FAM20C: variants seen among roughly 807,000 people sequenced by gnomAD.
FAM20C encodes the protein FAM20C golgi associated secretory pathway kinase.
Under a neutral mutation model 51.5 loss-of-function variants are expected in FAM20C, and 40 were observed. That is an observed-to-expected ratio of 0.78 (90% CI 0.60 to 1.01). The LOEUF (loss-of-function observed/expected upper bound fraction) is 1.01, where lower values mean the gene tolerates loss of function less well. Ranked by LOEUF, FAM20C falls within the 50% of genes least tolerant of loss-of-function variation. The pLI is 0.00. For synonymous variants in FAM20C, 406 were observed against 380.6 expected (o/e 1.07, Z -0.78); for missense variants, 861 against 844.7 (o/e 1.02, Z -0.24).
intron 3 of FAM20C, chr7:229,006 A>G (rs1213572659): frequency 2.7e-6 from 1 of 364,190 alleles, no homozygotes; most frequent in African/African-American, 2.1e-5. Flanking sequence ...TAGTCGGGCC[A>G]CACCCTGCCC....
intron 2 of FAM20C, 95 bp from the exon 3 acceptor site, chr7:208,803 A>C: frequency 1.6e-6 from 2 of 1,279,292 alleles, no homozygotes; most frequent in Non-Finnish European, 1.1e-6. Context: ...CCATGCCCAG[A>C]GGACCCGGAT....
At chr7:232,019 C>T (rs1055077685) in intron 3 of FAM20C, among the ~76,000 whole-genome samples, 1 of 152,204 alleles carries the variant, frequency 6.6e-6, no homozygotes, top group Non-Finnish European at 1.5e-5. Context: ...TCCGTTCCGT[C>T]GGCCTCGTCG....
chr7:250,187 C>T (rs965789295), intron 5 of FAM20C, among the ~76,000 whole-genome samples: 1 of 152,188 alleles, frequency 6.6e-6, no homozygotes, highest in Non-Finnish European at 1.5e-5. Flanking sequence ...GCAGATGTTT[C>T]AGATCGATGT....
chr7:228,147 G>A (rs73252877), intron 3 of FAM20C: 3,308 of 313,802 alleles, frequency 0.011, 68 homozygotes, highest in East Asian at 0.075. Context: ...CTGTGCCTGC[G>A]TAACGAAACA....
Position 207,268 on chromosome 7 carries a change from G to T in FAM20C, c.785-1630G>T, listed in dbSNP as rs1340960584. Among the ~76,000 whole-genome samples, 47 of 67,738 alleles carry T rather than the reference G, an allele frequency of 6.9e-4. 4 individuals are homozygous for T. The highest frequency in any genetic ancestry group is 3.2e-3 in the Admixed American group (29 of 9,016). The allele number at this position is 67,738 out of a possible 152,430, so 44.4% of individuals were successfully genotyped here. A position where few individuals can be genotyped will look rare whatever the true frequency, so the allele number is the denominator to read the frequency against. ...GCCCCGCACACGTGTCCACTGTGAC[G>T]CGTCGGTCACTGTCCCCTCGGCCCC... On this transcript the variant is annotated intron_variant, in intron 2 of 9. Coordinates refer to ENST00000313766, the MANE Select transcript of FAM20C (RefSeq NM_020223.4).
intron 3 of FAM20C, among the ~76,000 whole-genome samples, chr7:233,105 G>A (rs1196065842): frequency 2.0e-5 from 3 of 152,318 alleles, no homozygotes; most frequent in Middle Eastern, 3.4e-3. Flanking sequence ...TTCTGCAGAC[G>A]CCTCTGTCTC....
At chr7:201,468 C>G (rs1234656503) in intron 2 of FAM20C, among the ~76,000 whole-genome samples, 1 of 152,162 alleles carries the variant, frequency 6.6e-6, no homozygotes, top group African/African-American at 2.4e-5. Context: ...AGTCTCCATC[C>G]CCATGAGCAC....
chr7:209,005 G>A (rs768884935), intron 3 of FAM20C, 29 bp downstream of exon 3: 21 of 1,560,646 alleles, frequency 1.3e-5, no homozygotes, highest in Middle Eastern at 1.7e-4. Flanking sequence ...GGGCTGGGGC[G>A]TGAGGAGCTG....
intron 3 of FAM20C, among the ~76,000 whole-genome samples, chr7:234,287 G>A (rs1787786108): frequency 6.6e-6 from 1 of 152,260 alleles, no homozygotes; most frequent in African/African-American, 2.4e-5. Context: ...TTCCTCAGCT[G>A]GGCTTTTACA....
chr7:195,644 T>C lies in FAM20C; in HGVS notation c.696T>C (p.Gly232=). 2 of 1,611,192 alleles carry C rather than the reference T, an allele frequency of 1.2e-6. No individual in the cohort carries two copies. The highest frequency in any genetic ancestry group is 1.7e-6 in the Non-Finnish European group (2 of 1,178,858). Residue 232 remains glycine (G), a synonymous_variant, in exon 2 of 10, where the codon GGT becomes GGC. Transcript: ENST00000313766. ...SYPNWLKFHI[G]INRYELYSRH... ...CCAACTGGCTCAAGTTCCACATTGG[T>C]ATCAACCGGTACGAGCTGTACTCCA...
intron 2 of FAM20C, among the ~76,000 whole-genome samples, chr7:204,418 C>G (rs1786258355): frequency 6.6e-6 from 1 of 152,254 alleles, no homozygotes; most frequent in South Asian, 2.1e-4. Context: ...GTCCAGGGCA[C>G]TGAGCCCAGC....
intron 6 of FAM20C, chr7:256,312 T>C: frequency 1.7e-6 from 1 of 576,448 alleles, no homozygotes; most frequent in Non-Finnish European, 3.1e-6. Flanking sequence ...GCCCCGTCCC[T>C]CTCCTCACTC....
chr7:217,743 C>T (rs1019414032), intron 3 of FAM20C, among the ~76,000 whole-genome samples: 4 of 152,190 alleles, frequency 2.6e-5, no homozygotes, highest in East Asian at 3.9e-4. Context: ...ATAAGAAAGA[C>T]GGGAGAACAA....
At chr7:253,295 GC>G (rs1176786685) in intron 5 of FAM20C, among the ~76,000 whole-genome samples, 2 of 152,174 alleles carry the variant, frequency 1.3e-5, no homozygotes, top group Non-Finnish European at 2.9e-5. Flanking sequence ...TGCTGGGTCA[GC>G]CCCGACACAG....
Position 217,126 on chromosome 7 carries a change from C to T in FAM20C, c.863+8150C>T, listed in dbSNP as rs532291788. On this transcript the variant is annotated intron_variant, in intron 3 of 9. Transcript: ENST00000313766. ...CCAAGAGGAGGATGGCCGTCAGCGG[C>T]CCCCCAGGGGTGAGCAGATGCAGCT... Among the ~76,000 whole-genome samples the T allele has an allele frequency of 8.8e-4, 134 of 152,240 alleles. 1 individual carries two copies. The highest frequency in any genetic ancestry group is 2.1e-3 in the Admixed American group (32 of 15,304).
At chr7:212,721 G>A (rs750157432) in intron 3 of FAM20C, among the ~76,000 whole-genome samples, 19 of 152,272 alleles carry the variant, frequency 1.2e-4, no homozygotes, top group East Asian at 7.7e-4. Context: ...GCACGTAGCC[G>A]GCACATCAAC....
intron 1 of FAM20C, chr7:195,206 C>A (rs1583272719): frequency 8.6e-6 from 2 of 233,902 alleles, no homozygotes; most frequent in African/African-American, 4.5e-5. Flanking sequence ...GCACCCTCAG[C>A]TGAGGTCATG....
intron 3 of FAM20C, among the ~76,000 whole-genome samples, chr7:216,672 A>AGT (rs137869704): frequency 9.6e-6 from 1 of 104,696 alleles, no homozygotes; most frequent in African/African-American, 3.6e-5. Flanking sequence ...TGAGAGACAG[A>AGT]GTGTGTGTGA....
At chr7:223,707 C>T (rs1400352972) in intron 3 of FAM20C, among the ~76,000 whole-genome samples, 2 of 152,232 alleles carry the variant, frequency 1.3e-5, no homozygotes, top group South Asian at 2.1e-4. Context: ...TACGCGGATG[C>T]CGCAGGTGGT....
Sources: allele counts gnomAD v4.1 joint callset (sites outside exome capture counted in the v4.1 genomes callset), GRCh38; gene constraint gnomAD v4.1.1; transcripts MANE v1.5; gene names NCBI Gene and HGNC (gene_info 2026-07-23, HGNC 2026-07-21).